The following PRDM5 variants were observed in gnomAD, a reference collection of about 807,000 sequenced individuals.
PRDM5 encodes PR domain zinc finger protein 5.
In PRDM5, 56 loss-of-function variants were observed where a neutral mutation model predicts 81.2. The ratio of observed to expected loss-of-function variants is 0.69; its 90% CI spans 0.56 to 0.86. PRDM5 has a LOEUF of 0.86. Ranked by LOEUF, PRDM5 falls within the 40% of genes least tolerant of loss-of-function variation. The pLI is 0.00. For missense variants in PRDM5, 697 were observed against 770.1 expected (o/e 0.91, Z 1.12); for synonymous variants, 267 against 256.4 (o/e 1.04, Z -0.39).
intron 14 of PRDM5, among the ~76,000 whole-genome samples, chr4:120,752,485 T>G (rs1744153784): frequency 6.6e-6 from 1 of 152,162 alleles, no homozygotes; most frequent in South Asian, 2.1e-4. Flanking sequence ...TGTTTTCTTT[T>G]TGTGCAGTTA....
chr4:120,819,208 TAAGA>T, intron 4 of PRDM5, among the ~76,000 whole-genome samples: 1 of 152,236 alleles, frequency 6.6e-6, no homozygotes, highest in Non-Finnish European at 1.5e-5. Flanking sequence ...ATGCGCAGTC[TAAGA>T]AGAGGTAAAT....
intron 14 of PRDM5, among the ~76,000 whole-genome samples, chr4:120,715,656 AT>A (rs1478217258): frequency 6.6e-6 from 1 of 152,180 alleles, no homozygotes; most frequent in Non-Finnish European, 1.5e-5. Context: ...TTAAACTTTT[AT>A]TTTAAAAAAA....
chr4:120,686,490 GA>G (rs1485003730), intron 1 of PRDM5, among the ~76,000 whole-genome samples: 33 of 152,144 alleles, frequency 2.2e-4, no homozygotes, highest in African/African-American at 7.9e-4. Context: ...TTTATAACAT[GA>G]AGTTTATATA....
At chr4:120,810,064 T>C (rs1217915987) in intron 8 of PRDM5, among the ~76,000 whole-genome samples, 2 of 152,160 alleles carry the variant, frequency 1.3e-5, no homozygotes, top group African/African-American at 4.8e-5. Flanking sequence ...CATTTTAATG[T>C]AATAATAATA....
Position 120,742,519 on chromosome 4 carries a change from T to G in PRDM5, c.1623+12034A>C, listed in dbSNP as rs554650984. On this transcript the variant is annotated intron_variant, in intron 14 of 15. Transcript: ENST00000264808. ...ACATTCAAACCAAAGGCAAAGAAGT[T>G]GAAAACTTTGAAAAAAATTTAGAAG... 2.4e-3 allele frequency among the ~76,000 whole-genome samples: 370 copies of G among 152,132 alleles called. 1 individual carries two copies. The highest frequency in any genetic ancestry group is 8.4e-3 in the African/African-American group (348 of 41,528).
At chr4:120,770,427 A>T (rs567708869) in intron 13 of PRDM5, among the ~76,000 whole-genome samples, 1 of 151,748 alleles carries the variant, frequency 6.6e-6, no homozygotes. Flanking sequence ...AATATTTATT[A>T]ACATTTCACC....
intron 8 of PRDM5, among the ~76,000 whole-genome samples, chr4:120,809,788 C>T (rs1038006759): frequency 6.6e-6 from 1 of 152,078 alleles, no homozygotes; most frequent in African/African-American, 2.4e-5. Flanking sequence ...ACTATGGATT[C>T]GGAAAGGCTG....
intron 14 of PRDM5, among the ~76,000 whole-genome samples, chr4:120,742,107 T>G (rs938457367): frequency 6.6e-6 from 1 of 152,230 alleles, no homozygotes; most frequent in Non-Finnish European, 1.5e-5. Flanking sequence ...CCTCCTCAAG[T>G]GGGTCCCTGA....
intron 2 of PRDM5, among the ~76,000 whole-genome samples, chr4:120,858,580 C>T (rs887862941): frequency 3.4e-5 from 5 of 148,676 alleles, no homozygotes; most frequent in African/African-American, 4.8e-5. Context: ...CGTGCGTGCG[C>T]GCGCACGCAC....
At chr4:120,737,405 C>A (rs1373032968) in intron 14 of PRDM5, among the ~76,000 whole-genome samples, 1 of 152,172 alleles carries the variant, frequency 6.6e-6, no homozygotes, top group Admixed American at 6.5e-5. Context: ...CAAGGAAGGG[C>A]AACTGAGAGC....
At chr4:120,917,305 AAAT>A (rs772746299) in intron 1 of PRDM5, among the ~76,000 whole-genome samples, 11 of 152,208 alleles carry the variant, frequency 7.2e-5, no homozygotes, top group Admixed American at 2.0e-4. Context: ...ACCACCCTTC[AAAT>A]AATTGCCCAA....
At chr4:120,782,530 T>A (rs1749184584) in intron 11 of PRDM5, among the ~76,000 whole-genome samples, 1 of 152,106 alleles carries the variant, frequency 6.6e-6, no homozygotes, top group Admixed American at 6.6e-5. Context: ...AATAGAATTA[T>A]CCCTCTCTAA....
At chr4:120,730,276 T>C (rs1363133537) in intron 14 of PRDM5, among the ~76,000 whole-genome samples, 1 of 152,194 alleles carries the variant, frequency 6.6e-6, no homozygotes, top group African/African-American at 2.4e-5. Context: ...GCACATAATA[T>C]GAACACAATA....
chr4:120,708,772 G>C (rs1328967453), intron 15 of PRDM5, among the ~76,000 whole-genome samples: 2 of 152,072 alleles, frequency 1.3e-5, no homozygotes, highest in Non-Finnish European at 2.9e-5. Flanking sequence ...AAAACTAAGA[G>C]GAATTAATGA....
Position 120,793,191 on chromosome 4 carries a change from T to C in PRDM5, c.1188+5076A>G, listed in dbSNP as rs117948302. Among the ~76,000 whole-genome samples, 97 of 152,152 alleles carry C rather than the reference T, an allele frequency of 6.4e-4. 1 individual carries two copies. In the East Asian group the frequency reaches 0.018, roughly 29 times the overall value. On this transcript the variant is annotated intron_variant, in intron 10 of 15. Transcript: ENST00000264808. ...CGCCTGAGCCCCACCTCCTGTGAGA[T>C]CAGTGGCGGCATTAGATTCTCACAG... is the stretch of plus-strand genomic sequence containing the variant.
intron 12 of PRDM5, among the ~76,000 whole-genome samples, chr4:120,780,768 A>G (rs1025095733): frequency 5.9e-5 from 9 of 152,154 alleles, no homozygotes; most frequent in African/African-American, 2.2e-4. Context: ...AAACATAAGA[A>G]TTCACTTTGA....
In PRDM5 at chr4:120,777,238, T is replaced by G; in HGVS notation, c.1487A>C (p.Gln496Pro). The G allele has an allele frequency of 6.2e-7, 1 of 1,613,548 alleles. No individual in the cohort carries two copies. Residue 496 changes from glutamine to proline, a missense_variant, in exon 13 of 16, where the codon CAG becomes CCG. By Grantham distance (76) the Gln-to-Pro change is moderately conservative. Around this residue, in one of 3 missense-constraint regions of PRDM5, gnomAD observed 577 missense variants for 606.7 expected, o/e 0.95. Transcript: ENST00000264808. ...GAGTGTACCACTGCTGGCAAATTTC[T>G]GGCCACAATATGGACAGATTTTCTC... Reference protein sequence around the residue: ...EKEKICPYCGQKFASSGTLRV... With the variant: ...EKEKICPYCGPKFASSGTLRV...
chr4:120,884,072 C>T (rs1763140575), intron 2 of PRDM5, among the ~76,000 whole-genome samples: 1 of 152,100 alleles, frequency 6.6e-6, no homozygotes, highest in Non-Finnish European at 1.5e-5. Flanking sequence ...AGTGAAAAAA[C>T]AAATCTCTTC....
intron 2 of PRDM5, among the ~76,000 whole-genome samples, chr4:120,865,414 C>T (rs1186388982): frequency 6.6e-6 from 1 of 152,188 alleles, no homozygotes; most frequent in African/African-American, 2.4e-5. Context: ...CCTGCTCCAA[C>T]TCTAGTACCA....
Sources: allele counts gnomAD v4.1 joint callset (sites outside exome capture counted in the v4.1 genomes callset), GRCh38; gene constraint gnomAD v4.1.1; regional missense constraint gnomAD v4.1.1; transcripts MANE v1.5; gene names NCBI Gene and HGNC (gene_info 2026-07-23, HGNC 2026-07-21).